BCL2L11: variants seen among roughly 807,000 people sequenced by gnomAD.
BCL2L11 encodes the protein BCL2 like 11.
A neutral mutation model predicts 20.6 loss-of-function variants in BCL2L11; 15 were observed. The ratio of observed to expected loss-of-function variants is 0.73; its 90% CI spans 0.49 to 1.12. BCL2L11 has a LOEUF of 1.12. Among genes scored for constraint, BCL2L11 ranks in the 50% most tolerant of loss-of-function variants. The probability of loss-of-function intolerance (pLI) is 0.00; values close to 1 mark genes in which losing one functional copy is unlikely to be tolerated. For synonymous variants in BCL2L11, 108 were observed against 92.8 expected, an observed-to-expected ratio of 1.16 and a Z score of -0.94; for missense variants, 292 against 260.9, an observed-to-expected ratio of 1.12 and a Z score of -0.82.
chr2:111,141,784 C>T (rs1430921478), intron 2 of BCL2L11, among the ~76,000 whole-genome samples: 3 of 151,722 alleles, frequency 2.0e-5, no homozygotes, highest in East Asian at 1.9e-4. Context: ...CTGCAATCTC[C>T]GCCTCCCAGG....
chr2:111,166,053 T>C lies in BCL2L11; in HGVS notation c.*1822T>C, dbSNP rs6753785. ...ATTTTTAAAGCTGTGTTGGAGCTCA[T>C]CTTGTTCCCTGATGTGTCTCGAGCC... On this transcript the variant is annotated 3_prime_UTR_variant, in exon 4 of 4. Coordinates refer to ENST00000393256, the MANE Select transcript of BCL2L11 (RefSeq NM_138621.5). 1 of 152,384 alleles carries C rather than the reference T, an allele frequency of 6.6e-6. No homozygotes were observed. Among genetic ancestry groups the C allele is most frequent in the Non-Finnish European group, 1.5e-5 (1 of 67,986 alleles). 9.4% of individuals were successfully genotyped at this position (152,384 alleles called of 1,614,324 possible). A position where few individuals can be genotyped will look rare whatever the true frequency, so the allele number is the denominator to read the frequency against.
chr2:111,163,992 T>G, intron 3 of BCL2L11, 141 bp from the exon 4 acceptor site: 1 of 612,694 alleles, frequency 1.6e-6, no homozygotes, highest in Non-Finnish European at 3.0e-6. Flanking sequence ...GGAGGCATCG[T>G]GCTTTGTGAC....
At chr2:111,129,502 T>C (rs1260163443) in intron 2 of BCL2L11, among the ~76,000 whole-genome samples, 1 of 152,210 alleles carries the variant, frequency 6.6e-6, no homozygotes, top group Non-Finnish European at 1.5e-5. Flanking sequence ...ACAAAGAAAT[T>C]GTATATGCCA....
intron 3 of BCL2L11, chr2:111,153,732 T>G (rs1390805337): frequency 6.4e-7 from 1 of 1,551,530 alleles, no homozygotes; most frequent in Non-Finnish European, 8.7e-7. Context: ...AGTCTTTTAT[T>G]GCCACGAGCC....
chr2:111,157,065 T>G (rs1244513604), intron 3 of BCL2L11, among the ~76,000 whole-genome samples: 1 of 152,194 alleles, frequency 6.6e-6, no homozygotes, highest in African/African-American at 2.4e-5. Flanking sequence ...GGTGTGTGTT[T>G]AAATGGCTGG....
chr2:111,160,674 T>A (rs2078443679), intron 3 of BCL2L11, among the ~76,000 whole-genome samples: 2 of 152,336 alleles, frequency 1.3e-5, no homozygotes, highest in Non-Finnish European at 2.9e-5. Context: ...TGTATGTGTG[T>A]CTGCGTAGAG....
At chr2:111,130,583 G>T (rs577169239) in intron 2 of BCL2L11, among the ~76,000 whole-genome samples, 2 of 152,306 alleles carry the variant, frequency 1.3e-5, no homozygotes, top group South Asian at 4.1e-4. Context: ...TCTTCTTTCT[G>T]ATCTGTGTAC....
At chr2:111,144,705 C>T (rs2076273548) in intron 2 of BCL2L11, among the ~76,000 whole-genome samples, 1 of 152,244 alleles carries the variant, frequency 6.6e-6, no homozygotes, top group Non-Finnish European at 1.5e-5. Flanking sequence ...AGCCCACCTG[C>T]AGACAGAGGC....
chr2:111,129,930 G>A (rs1294552453), intron 2 of BCL2L11, among the ~76,000 whole-genome samples: 1 of 152,186 alleles, frequency 6.6e-6, no homozygotes, highest in Non-Finnish European at 1.5e-5. Context: ...AATCGGAGAT[G>A]TTGTGTAACA....
rs1388845214 is a variant in BCL2L11, at chr2:111,121,093, G to A, written c.-109G>A. Reference sequence around the variant, plus strand: ...CTGCGATCGCATCATCGCGGTATTCGGTTCGCTGCGTTCCCGCCGCCACCG... The same window carrying A: ...CTGCGATCGCATCATCGCGGTATTCAGTTCGCTGCGTTCCCGCCGCCACCG... On this transcript the variant is annotated 5_prime_UTR_variant, in exon 1 of 4. Coordinates refer to ENST00000393256, the MANE Select transcript of BCL2L11 (RefSeq NM_138621.5). 1.3e-5 allele frequency: 4 copies of A among 309,130 alleles called. No homozygotes were observed. The highest frequency in any genetic ancestry group is 7.7e-5 in the South Asian group (1 of 13,024). 19.1% of individuals were successfully genotyped at this position (309,130 alleles called of 1,614,324 possible).
Position 111,122,689 on chromosome 2 carries a change from C to A in BCL2L11, c.-13-1044C>A, listed in dbSNP as rs890964326. The A allele has an allele frequency of 2.0e-5, 20 of 982,554 alleles. No homozygotes were observed. In the Admixed American group the frequency reaches 3.1e-4, roughly 15 times the overall value. 60.9% of individuals were successfully genotyped at this position (982,554 alleles called of 1,614,324 possible). A position where few individuals can be genotyped will look rare whatever the true frequency, so the allele number is the denominator to read the frequency against. On this transcript the variant is annotated intron_variant, in intron 1 of 3. Transcript: ENST00000393256. ...GCGGCTGCGGCCGGGGCAGCGCGGG[C>A]CAGAGGCGCGGCGTGCGGAGCCCTC... is the stretch of plus-strand genomic sequence containing the variant.
chr2:111,146,862 T>C (rs28452430), intron 2 of BCL2L11, among the ~76,000 whole-genome samples: 3,970 of 152,310 alleles, frequency 0.026, 167 homozygotes, highest in African/African-American at 0.089. Context: ...ATATAGTCTT[T>C]ATAGCCATGT....
chr2:111,141,379 T>C (rs927356233), intron 2 of BCL2L11, among the ~76,000 whole-genome samples: 1 of 151,292 alleles, frequency 6.6e-6, no homozygotes, highest in African/African-American at 2.4e-5. Context: ...ATGGATGAAA[T>C]TGGAAATCAT....
chr2:111,141,623 C>T (rs1294566142), intron 2 of BCL2L11, among the ~76,000 whole-genome samples: 1 of 151,722 alleles, frequency 6.6e-6, no homozygotes, highest in African/African-American at 2.4e-5. Flanking sequence ...ATGTAACTAA[C>T]CTGCACATTG....
chr2:111,150,142 A>G lies in BCL2L11; in HGVS notation c.493A>G (p.Arg165Gly). The change falls in exon 3 of 4, where the codon AGG becomes GGG. Residue 165 changes from arginine to glycine, a missense_variant. Coordinates refer to ENST00000393256, the MANE Select transcript of BCL2L11 (RefSeq NM_138621.5). ...AGACGAGTTTAACGCTTACTATGCA[A>G]GGAGGGTAATGATGTTTTCTTTACC... ...IGDEFNAYYARRVFLNNYQAA... is the reference protein window; with the variant it reads ...IGDEFNAYYAGRVFLNNYQAA... The G allele has an allele frequency of 6.2e-7, 1 of 1,613,680 alleles. No homozygotes were observed. Among genetic ancestry groups the G allele is most frequent in the Non-Finnish European group, 8.5e-7 (1 of 1,179,686 alleles).
At chr2:111,125,702 G>T (rs2072428534) in intron 2 of BCL2L11, among the ~76,000 whole-genome samples, 1 of 151,566 alleles carries the variant, frequency 6.6e-6, no homozygotes, top group Non-Finnish European at 1.5e-5. Context: ...CTGTGAGGTG[G>T]TGGGGAGAAA....
intron 2 of BCL2L11, among the ~76,000 whole-genome samples, chr2:111,148,894 G>C (rs571409512): frequency 3.9e-5 from 6 of 152,356 alleles, no homozygotes; most frequent in Admixed American, 6.5e-5. Context: ...ATAGAGCTCT[G>C]AATCAGTATC....
At chr2:111,142,395 AAAAGTTTTTCTTTTTATTCAAAATG>A in intron 2 of BCL2L11, 2 of 1,549,800 alleles carry the variant, frequency 1.3e-6, no homozygotes, top group Middle Eastern at 3.3e-4. Flanking sequence ...AATCAAGGTG[AAAAGTTTTTCTTTTTATTCAAAATG>A]GGATAAAAAG....
At chr2:111,150,882 T>TTTTG (rs202134926) in intron 3 of BCL2L11, among the ~76,000 whole-genome samples, 4 of 134,694 alleles carry the variant, frequency 3.0e-5, no homozygotes, top group Non-Finnish European at 6.6e-5. Flanking sequence ...CATGGGACAC[T>TTTTG]TTTGTTTGTT....
Sources: allele counts gnomAD v4.1 joint callset (sites outside exome capture counted in the v4.1 genomes callset), GRCh38; gene constraint gnomAD v4.1.1; transcripts MANE v1.5; gene names NCBI Gene and HGNC (gene_info 2026-07-23, HGNC 2026-07-21).